The following RIMKLA variants were observed in gnomAD, a reference collection of about 807,000 sequenced individuals.
RIMKLA encodes ribosomal modification protein rimK like family member A.
A neutral mutation model predicts 32.7 loss-of-function variants in RIMKLA; 14 were observed. The observed-to-expected ratio is 0.43, with a 90% confidence interval of 0.28 to 0.67. RIMKLA has a LOEUF of 0.67. RIMKLA is among the 30% of genes least tolerant of loss of function. The pLI is 0.18. For missense variants in RIMKLA, 410 were observed against 519.0 expected (o/e 0.79, Z 2.04); for synonymous variants, 176 against 204.1 (o/e 0.86, Z 1.18).
chr1:42,397,402 A>G (rs914625193), intron 1 of RIMKLA, among the ~76,000 whole-genome samples: 1 of 152,222 alleles, frequency 6.6e-6, no homozygotes, highest in African/African-American at 2.4e-5. Flanking sequence ...GTTAAAGCCT[A>G]TAAAATATCT....
intron 1 of RIMKLA, chr1:42,396,431 T>G (rs1643048251): frequency 6.6e-6 from 1 of 152,074 alleles, no homozygotes. Context: ...CATTCTTCAT[T>G]TATTAAAGGC....
intron 1 of RIMKLA, among the ~76,000 whole-genome samples, chr1:42,390,011 A>ACAGGATT (rs1444458393): frequency 1.3e-5 from 2 of 151,212 alleles, no homozygotes; most frequent in Non-Finnish European, 2.9e-5. Flanking sequence ...CAGGATTGAG[A>ACAGGATT]CAGGATTCAG....
At chr1:42,382,055 T>C (rs934435352) in intron 1 of RIMKLA, among the ~76,000 whole-genome samples, 9 of 152,248 alleles carry the variant, frequency 5.9e-5, no homozygotes, top group African/African-American at 2.2e-4. Context: ...TCTGTTACTT[T>C]GCTTTGGCAG....
chr1:42,392,243 T>C (rs573557934), intron 1 of RIMKLA, among the ~76,000 whole-genome samples: 1 of 152,176 alleles, frequency 6.6e-6, no homozygotes, highest in Non-Finnish European at 1.5e-5. Flanking sequence ...CCCTCCTCCT[T>C]TGCTCTCCCT....
In RIMKLA at chr1:42,419,923, T is replaced by C. The variant is rs1434033944; in HGVS notation, c.*4949T>C. Reference sequence around the variant, plus strand: ...CTGGAAACCAAGGGTTTGCAGCTCCTAAACCTATTGCATTAGGCACACCCA... The same window carrying C: ...CTGGAAACCAAGGGTTTGCAGCTCCCAAACCTATTGCATTAGGCACACCCA... On this transcript the variant is annotated 3_prime_UTR_variant, in exon 5 of 5. Transcript: ENST00000431473. 6.6e-6 allele frequency: 1 copy of C among 152,234 alleles called. No homozygotes were observed. The highest frequency in any genetic ancestry group is 6.5e-5 in the Admixed American group (1 of 15,282). 9.4% of individuals were successfully genotyped at this position (152,234 alleles called of 1,614,324 possible). A position where few individuals can be genotyped will look rare whatever the true frequency, so the allele number is the denominator to read the frequency against.
At chr1:42,398,378 G>GTTTTT (rs1268865009) in intron 1 of RIMKLA, among the ~76,000 whole-genome samples, 1 of 152,100 alleles carries the variant, frequency 6.6e-6, no homozygotes, top group Non-Finnish European at 1.5e-5. Context: ...ATGCATTCTA[G>GTTTTT]TTTTCTTTGA....
In RIMKLA at chr1:42,418,533, A is replaced by G. The variant is rs996980312; in HGVS notation, c.*3559A>G. 1 of 152,234 alleles carries G rather than the reference A, an allele frequency of 6.6e-6. No individual in the cohort carries two copies. The highest frequency in any genetic ancestry group is 2.4e-5 in the African/African-American group (1 of 41,456). 9.4% of individuals were successfully genotyped at this position (152,234 alleles called of 1,614,324 possible). A position where few individuals can be genotyped will look rare whatever the true frequency, so the allele number is the denominator to read the frequency against. ...AAAAATTGGGATGATTTGGAATTCT[A>G]GTAGGAAGGAGGAAAAAATGGCTCT... is the stretch of plus-strand genomic sequence containing the variant. On this transcript the variant is annotated 3_prime_UTR_variant, in exon 5 of 5. Transcript: ENST00000431473.
At chr1:42,393,443 A>G (rs1236139531) in intron 1 of RIMKLA, among the ~76,000 whole-genome samples, 1 of 152,226 alleles carries the variant, frequency 6.6e-6, no homozygotes, top group Non-Finnish European at 1.5e-5. Flanking sequence ...TGTCTGAGTC[A>G]TACCAACCAG....
chr1:42,385,830 T>TCCTTTCTTTCTTTC (rs1557749857), intron 1 of RIMKLA, among the ~76,000 whole-genome samples: 3 of 74,314 alleles, frequency 4.0e-5, no homozygotes, highest in South Asian at 7.6e-4. Flanking sequence ...CTTCCTTCCT[T>TCCTTTCTTTCTTTC]TCTTTCTTTC....
intron 1 of RIMKLA, among the ~76,000 whole-genome samples, chr1:42,394,868 C>T (rs7415102): frequency 8.7e-4 from 133 of 152,232 alleles, no homozygotes; most frequent in African/African-American, 3.1e-3. Context: ...TCCCAAGTAG[C>T]TGGGATTACA....
intron 1 of RIMKLA, among the ~76,000 whole-genome samples, chr1:42,398,967 TAAAAA>T (rs543668676): frequency 1.1e-4 from 11 of 98,388 alleles, no homozygotes; most frequent in South Asian, 3.5e-4. Flanking sequence ...ACCCTGTCTT[TAAAAA>T]AAAAAAAAAA....
chr1:42,388,559 G>A (rs891637771), intron 1 of RIMKLA, among the ~76,000 whole-genome samples: 12 of 137,674 alleles, frequency 8.7e-5, no homozygotes, highest in Admixed American at 3.2e-4. Context: ...TTGCTCTGTC[G>A]CCCAGGTTGG....
At chr1:42,388,752 G>A (rs972898930) in intron 1 of RIMKLA, among the ~76,000 whole-genome samples, 30 of 152,040 alleles carry the variant, frequency 2.0e-4, no homozygotes, top group African/African-American at 5.3e-4. Context: ...TCCTGACCTC[G>A]TGATCCGCCC....
chr1:42,385,891 T>TTTCTTTCTTTCTTTCTTTCTTTCTTTCC (rs1642941497), intron 1 of RIMKLA, among the ~76,000 whole-genome samples: 1 of 77,066 alleles, frequency 1.3e-5, no homozygotes, highest in Non-Finnish European at 2.7e-5. Flanking sequence ...TCTTTCTTTC[T>TTTCTTTCTTTCTTTCTTTCTTTCTTTCC]TTCTTTCCTT....
rs1262203812 is a variant in RIMKLA, at chr1:42,414,499, A to G, written c.701A>G (p.Lys234Arg). The change falls in exon 5 of 5, where the codon AAG (lysine) becomes AGG (arginine). Residue 234 changes from lysine to arginine, a missense_variant. Lys to Arg is a conservative substitution (Grantham distance 26). Coordinates refer to ENST00000431473, the MANE Select transcript of RIMKLA (RefSeq NM_173642.4). ...SNCSLGGVGVKCPLTEQGKQL... is the reference protein window; with the variant it reads ...SNCSLGGVGVRCPLTEQGKQL... The stretch of plus-strand genomic sequence containing the variant: ...TTCCCCACAGGTGGCGTGGGCGTCA[A>G]GTGTCCGCTGACAGAACAAGGCAAG... The G allele has an allele frequency of 6.2e-7, 1 of 1,613,942 alleles. No homozygotes were observed. The highest frequency in any genetic ancestry group is 8.5e-7 in the Non-Finnish European group (1 of 1,179,920).
At chr1:42,388,867 C>T (rs540950541) in intron 1 of RIMKLA, among the ~76,000 whole-genome samples, 41 of 152,100 alleles carry the variant, frequency 2.7e-4, no homozygotes, top group East Asian at 5.8e-4. Flanking sequence ...TAATGGGTCA[C>T]GGAGTCATTC....
chr1:42,399,521 T>C lies in RIMKLA; in HGVS notation c.281T>C (p.Leu94Pro). 1 of 1,613,568 alleles carries C rather than the reference T, an allele frequency of 6.2e-7. No individual in the cohort carries two copies. The highest frequency in any genetic ancestry group is 8.5e-7 in the Non-Finnish European group (1 of 1,179,826). The change falls in exon 2 of 5, where the codon CTG becomes CCG. Residue 94 changes from leucine to proline, a missense_variant. Coordinates refer to ENST00000431473, the MANE Select transcript of RIMKLA (RefSeq NM_173642.4). ...DITVLRHLEK[L>P]GCRLVNRPQS... ...ACTGTCCTGCGACACCTGGAGAAGC[T>C]GGGCTGCCGGTTGGTCAATCGCCCA...
intron 1 of RIMKLA, among the ~76,000 whole-genome samples, chr1:42,391,897 GT>G (rs1475708153): frequency 6.6e-6 from 1 of 152,122 alleles, no homozygotes; most frequent in African/African-American, 2.4e-5. Flanking sequence ...AGCGATTTTT[GT>G]GTCTTGCCAA....
chr1:42,395,411 C>A (rs17378233), intron 1 of RIMKLA, among the ~76,000 whole-genome samples: 27,398 of 151,026 alleles, frequency 0.18, 2,598 homozygotes, highest in East Asian at 0.22. Context: ...CTCAAGCCCA[C>A]CCCATGAGTC....
Sources: allele counts gnomAD v4.1 joint callset (sites outside exome capture counted in the v4.1 genomes callset), GRCh38; gene constraint gnomAD v4.1.1; transcripts MANE v1.5; gene names NCBI Gene and HGNC (gene_info 2026-07-23, HGNC 2026-07-21).